CETN3: variants seen among roughly 807,000 people sequenced by gnomAD.
The protein encoded by CETN3 is centrin-3.
A neutral mutation model predicts 20.1 loss-of-function variants in CETN3; 17 were observed. The observed-to-expected ratio is 0.85, with a 90% CI of 0.58 to 1.27. The LOEUF (loss-of-function observed/expected upper bound fraction) is 1.27. Among genes scored for constraint, CETN3 ranks in the 50% most tolerant of loss-of-function variants. The pLI is 0.00. For synonymous variants in CETN3, 52 were observed against 59.7 expected (o/e 0.87, Z 0.59); for missense variants, 169 against 191.2 (o/e 0.88, Z 0.69).
chr5:90,409,213 G>A (rs552171056), intron 1 of CETN3, among the ~76,000 whole-genome samples: 1 of 152,292 alleles, frequency 6.6e-6, no homozygotes, highest in African/African-American at 2.4e-5. Context: ...TGGGAGAAGA[G>A]GAAAGAGTTT....
intron 3 of CETN3, among the ~76,000 whole-genome samples, chr5:90,402,957 T>C (rs1749336982): frequency 6.6e-6 from 1 of 152,186 alleles, no homozygotes; most frequent in South Asian, 2.1e-4. Flanking sequence ...AAGACAATAA[T>C]ACAGTATTAC....
chr5:90,393,253 T>C lies in CETN3; in HGVS notation c.*811A>G, dbSNP rs906526947. 2.0e-5 allele frequency: 3 copies of C among 152,224 alleles called. No homozygotes were observed. The highest frequency in any genetic ancestry group is 2.0e-4 in the Admixed American group (3 of 15,280). The allele number at this position is 152,224 out of a possible 1,614,324, so 9.4% of individuals were successfully genotyped here. A position where few individuals can be genotyped will look rare whatever the true frequency, so the allele number is the denominator to read the frequency against. ...TATTTCTGTGGCTTACAGTTTTCTATTTTCATCACTGTGACATGTAATTGA... is the reference window on the plus strand; with the variant it reads ...TATTTCTGTGGCTTACAGTTTTCTACTTTCATCACTGTGACATGTAATTGA... On this transcript the variant is annotated 3_prime_UTR_variant, in exon 5 of 5. Transcript: ENST00000283122.
At chr5:90,405,141 A>T (rs1332132561) in intron 3 of CETN3, among the ~76,000 whole-genome samples, 2 of 152,098 alleles carry the variant, frequency 1.3e-5, no homozygotes, top group African/African-American at 4.8e-5. Flanking sequence ...CTACCCTCTA[A>T]ACAGATGACT....
intron 3 of CETN3, among the ~76,000 whole-genome samples, chr5:90,402,086 G>A (rs971334813): frequency 1.3e-5 from 2 of 152,018 alleles, no homozygotes; most frequent in Non-Finnish European, 2.9e-5. Flanking sequence ...TCCTGTGAGC[G>A]AGCAATCCTC....
At chr5:90,401,409 G>C (rs1749286430) in intron 3 of CETN3, among the ~76,000 whole-genome samples, 1 of 151,904 alleles carries the variant, frequency 6.6e-6, no homozygotes, top group Admixed American at 6.6e-5. Flanking sequence ...AGTTAAGGTG[G>C]GTTTCATTTA....
intron 3 of CETN3, among the ~76,000 whole-genome samples, chr5:90,400,952 T>C (rs1749274343): frequency 2.6e-5 from 4 of 152,148 alleles, no homozygotes; most frequent in African/African-American, 7.2e-5. Flanking sequence ...ACTCAACTTA[T>C]TTTGAATTTA....
intron 4 of CETN3, chr5:90,395,715 G>A (rs536182248): frequency 2.2e-4 from 51 of 230,642 alleles, no homozygotes; most frequent in African/African-American, 1.1e-3. Flanking sequence ...AAGCAAATGC[G>A]GTAAAATACT....
intron 4 of CETN3, among the ~76,000 whole-genome samples, chr5:90,398,179 T>C (rs1749182196): frequency 1.3e-5 from 2 of 152,098 alleles, no homozygotes; most frequent in Admixed American, 1.3e-4. Flanking sequence ...ATACCCAATA[T>C]TTTTAAAATT....
chr5:90,399,675 A>C, intron 3 of CETN3, 126 bp from the exon 4 acceptor site: 1 of 708,492 alleles, frequency 1.4e-6, no homozygotes, highest in Non-Finnish European at 2.3e-6. Context: ...TGACAATAAA[A>C]TGTCAAATGA....
chr5:90,394,656 C>T (rs747255936), intron 4 of CETN3, among the ~76,000 whole-genome samples: 5 of 151,704 alleles, frequency 3.3e-5, no homozygotes, highest in Non-Finnish European at 7.4e-5. Flanking sequence ...GGTCACCATA[C>T]CTCAAAGGTA....
chr5:90,399,622 A>ATATTTAGTTG, intron 3 of CETN3, 73 bp from the exon 4 acceptor site: 2 of 1,179,422 alleles, frequency 1.7e-6, no homozygotes, highest in Non-Finnish European at 2.5e-6. Flanking sequence ...AAATCAACTA[A>ATATTTAGTTG]ATATTAGATG....
At position 90,399,395 on chromosome 5, in the gene CETN3, A is replaced by G. The variant is rs758698645; in HGVS notation, c.423T>C (p.Ala141=). 1 of 1,614,052 alleles carries G rather than the reference A, an allele frequency of 6.2e-7. No homozygotes were observed. The highest frequency in any genetic ancestry group is 8.5e-7 in the Non-Finnish European group (1 of 1,179,958). ...GENMSDEELR[A]MIEEFDKDGD... ...CATCTTTGTCAAATTCTTCTATCAT[A>G]GCTCGAAGTTCTTCATCACTCATGT... is the stretch of plus-strand genomic sequence containing the variant. Residue 141 remains alanine (A), a synonymous_variant, in exon 4 of 5, where the codon GCT becomes GCC. Coordinates refer to ENST00000283122, the MANE Select transcript of CETN3 (RefSeq NM_004365.4).
chr5:90,402,345 T>C (rs1428947703), intron 3 of CETN3, among the ~76,000 whole-genome samples: 1 of 152,200 alleles, frequency 6.6e-6, no homozygotes, highest in African/African-American at 2.4e-5. Flanking sequence ...ATTCAAAATC[T>C]TCATGTTTTG....
intron 1 of CETN3, among the ~76,000 whole-genome samples, chr5:90,409,418 G>A (rs948625251): frequency 4.6e-5 from 7 of 152,108 alleles, no homozygotes; most frequent in Non-Finnish European, 4.4e-5. Context: ...AAAGCCCTAC[G>A]CGCTGACAGA....
chr5:90,405,176 C>T (rs1247150668), intron 3 of CETN3, among the ~76,000 whole-genome samples: 1 of 152,118 alleles, frequency 6.6e-6, no homozygotes, highest in Non-Finnish European at 1.5e-5. Context: ...CAAGGTCATC[C>T]AGAGGATGTA....
chr5:90,395,583 C>T (rs1156891486), intron 4 of CETN3, among the ~76,000 whole-genome samples: 7 of 152,166 alleles, frequency 4.6e-5, no homozygotes, highest in Non-Finnish European at 5.9e-5. Context: ...ATCCACCTGC[C>T]TCAGCCTCCC....
At chr5:90,400,706 C>A (rs1157044022) in intron 3 of CETN3, among the ~76,000 whole-genome samples, 1 of 151,940 alleles carries the variant, frequency 6.6e-6, no homozygotes, top group Non-Finnish European at 1.5e-5. Flanking sequence ...TGCTGTTTCA[C>A]CCGTATTTGG....
chr5:90,395,967 T>C, intron 4 of CETN3: 1 of 911,060 alleles, frequency 1.1e-6, no homozygotes, highest in Non-Finnish European at 1.3e-6. Context: ...GAACAAATGT[T>C]TTATAACACA....
chr5:90,407,885 A>C (rs1749497436), intron 1 of CETN3, 51 bp from the exon 2 acceptor site: 1 of 1,424,802 alleles, frequency 7.0e-7, no homozygotes, highest in South Asian at 1.6e-5. Context: ...CTCTTTACTA[A>C]CAGAAATTAG....
Sources: allele counts gnomAD v4.1 joint callset (sites outside exome capture counted in the v4.1 genomes callset), GRCh38; gene constraint gnomAD v4.1.1; transcripts MANE v1.5; gene names NCBI Gene and HGNC (gene_info 2026-07-23, HGNC 2026-07-21).